Variants in HCRTR2 observed in about 807,000 individuals in gnomAD.
HCRTR2 encodes the protein hypocretin receptor 2.
Under a neutral mutation model 49.0 loss-of-function variants are expected in HCRTR2, and 22 were observed. That is an observed-to-expected ratio of 0.45 (90% CI 0.32 to 0.64). The LOEUF is 0.64. Ranked by LOEUF, HCRTR2 falls within the 30% of genes least tolerant of loss-of-function variation. The probability of loss-of-function intolerance (pLI) is 0.04; values close to 1 mark genes in which losing one functional copy is unlikely to be tolerated. For missense variants in HCRTR2, 491 were observed against 559.4 expected (o/e 0.88, Z 1.23); for synonymous variants, 236 against 205.3 (o/e 1.15, Z -1.28).
chr6:55,156,101 A>C (rs1318609890), intron 1 of HCRTR2, among the ~76,000 whole-genome samples: 1 of 151,800 alleles, frequency 6.6e-6, no homozygotes, highest in Non-Finnish European at 1.5e-5. Flanking sequence ...CTTTCTATAT[A>C]GTATTAATAA....
At chr6:55,219,427 CAAT>C (rs1395785272) in intron 1 of HCRTR2, among the ~76,000 whole-genome samples, 2 of 151,986 alleles carry the variant, frequency 1.3e-5, no homozygotes, top group Non-Finnish European at 1.5e-5. Flanking sequence ...GTACATTAAA[CAAT>C]AAATTCTTGA....
intron 1 of HCRTR2, among the ~76,000 whole-genome samples, chr6:55,191,921 C>G (rs370928514): frequency 4.6e-5 from 7 of 152,008 alleles, no homozygotes; most frequent in South Asian, 2.1e-4. Context: ...ATTCTACCTT[C>G]AAAGAATAGG....
Position 55,277,392 on chromosome 6 carries a change from T to C in HCRTR2, c.775T>C (p.Ser259Pro), listed in dbSNP as rs764055361. The C allele has an allele frequency of 1.2e-6, 2 of 1,613,420 alleles. No individual in the cohort carries two copies. Among genetic ancestry groups the C allele is most frequent in the Non-Finnish European group, 1.7e-6 (2 of 1,179,382 alleles). The change falls in exon 5 of 7, where the codon TCA (serine) becomes CCA (proline). Residue 259 changes from serine (S) to proline (P), a missense_variant. Physicochemically the swap from Ser to Pro is moderately conservative, Grantham distance 74 (BLOSUM62 -1). Transcript: ENST00000370862. ...KLWCRQIPGT[S>P]SVVQRKWKPL... The stretch of plus-strand genomic sequence containing the variant: ...CTTCTCCTTTCAGATCCCTGGAACA[T>C]CATCTGTAGTTCAGAGAAAATGGAA...
At chr6:55,225,943 A>G (rs897016037) in intron 1 of HCRTR2, among the ~76,000 whole-genome samples, 1 of 152,184 alleles carries the variant, frequency 6.6e-6, no homozygotes, top group Non-Finnish European at 1.5e-5. Flanking sequence ...AAATCTTTTC[A>G]TTTGGTCCTC....
chr6:55,144,610 T>G (rs9475168), intron 1 of HCRTR2, among the ~76,000 whole-genome samples: 36,629 of 152,082 alleles, frequency 0.24, 4,804 homozygotes, highest in African/African-American at 0.32. Context: ...TCAGGTTAGA[T>G]TCTCCTAAGT....
intron 1 of HCRTR2, among the ~76,000 whole-genome samples, chr6:55,107,714 A>G (rs934465631): frequency 6.6e-6 from 1 of 152,156 alleles, no homozygotes; most frequent in African/African-American, 2.4e-5. Context: ...CATAAATTTC[A>G]AACAATAAGA....
intron 4 of HCRTR2, among the ~76,000 whole-genome samples, chr6:55,268,428 C>A (rs1217904861): frequency 2.0e-5 from 3 of 151,690 alleles, no homozygotes; most frequent in African/African-American, 7.3e-5. Context: ...TAAAAACCAA[C>A]CAATAATTTA....
chr6:55,233,947 TA>T (rs1278649128), intron 1 of HCRTR2, among the ~76,000 whole-genome samples: 2 of 152,206 alleles, frequency 1.3e-5, no homozygotes, highest in African/African-American at 4.8e-5. Context: ...CTGGATTTTT[TA>T]TCTTTGTAGT....
At chr6:55,175,879 T>C (rs531719973) in intron 1 of HCRTR2, among the ~76,000 whole-genome samples, 1 of 152,226 alleles carries the variant, frequency 6.6e-6, no homozygotes, top group African/African-American at 2.4e-5. Context: ...GCTGGGAGAC[T>C]TTTCACATGC....
At chr6:55,258,726 T>C (rs1009888151) in intron 3 of HCRTR2, among the ~76,000 whole-genome samples, 1 of 152,190 alleles carries the variant, frequency 6.6e-6, no homozygotes, top group Non-Finnish European at 1.5e-5. Context: ...GCTTGGTTTG[T>C]AAATGCATAG....
intron 3 of HCRTR2, among the ~76,000 whole-genome samples, chr6:55,257,375 T>C (rs1258623960): frequency 6.6e-6 from 1 of 152,126 alleles, no homozygotes; most frequent in Non-Finnish European, 1.5e-5. Flanking sequence ...AGCTTCCAAC[T>C]TGTAAGTTGG....
chr6:55,116,351 C>T (rs939613062), intron 1 of HCRTR2, among the ~76,000 whole-genome samples: 4 of 151,312 alleles, frequency 2.6e-5, no homozygotes, highest in South Asian at 2.1e-4. Context: ...GAAAATACTT[C>T]GATGTATTTA....
intron 1 of HCRTR2, among the ~76,000 whole-genome samples, chr6:55,226,482 T>C (rs558970988): frequency 6.6e-6 from 1 of 152,088 alleles, no homozygotes; most frequent in East Asian, 2.0e-4. Context: ...CTAATTTTTG[T>C]ATTTTTAGTA....
intron 1 of HCRTR2, among the ~76,000 whole-genome samples, chr6:55,247,696 A>G (rs910205104): frequency 2.6e-5 from 4 of 152,116 alleles, no homozygotes; most frequent in Admixed American, 1.3e-4. Flanking sequence ...AGAATGGAGG[A>G]ACTGGGTGTT....
intron 5 of HCRTR2, among the ~76,000 whole-genome samples, chr6:55,279,763 A>G (rs1368368612): frequency 6.6e-6 from 1 of 152,108 alleles, no homozygotes. Flanking sequence ...TACATGAAAA[A>G]TTAACACTCA....
intron 1 of HCRTR2, among the ~76,000 whole-genome samples, chr6:55,200,238 TG>T (rs1765488579): frequency 5.1e-4 from 10 of 19,560 alleles, no homozygotes; most frequent in Non-Finnish European, 7.7e-4. Flanking sequence ...TGCTGTCTTG[TG>T]TGTGTGTGTG....
chr6:55,258,448 A>G (rs956823474), intron 3 of HCRTR2, among the ~76,000 whole-genome samples: 1 of 152,132 alleles, frequency 6.6e-6, no homozygotes, highest in African/African-American at 2.4e-5. Flanking sequence ...AACTCTGTCT[A>G]ACTAAAAAAT....
At chr6:55,110,927 A>G (rs896613211) in intron 1 of HCRTR2, among the ~76,000 whole-genome samples, 4 of 152,096 alleles carry the variant, frequency 2.6e-5, no homozygotes, top group African/African-American at 9.6e-5. Context: ...TATACATTCT[A>G]TTCAACTGCA....
chr6:55,165,744 AATATATATATATATATATATAT>A (rs56655240), intron 1 of HCRTR2, among the ~76,000 whole-genome samples: 19,728 of 128,408 alleles, frequency 0.15, 1,922 homozygotes, highest in Non-Finnish European at 0.2. Context: ...TAGTATACAG[AATATATATATATATATATATAT>A]ATATATATAT....
Sources: gnomAD v4.1 joint callset for allele counts (sites outside exome capture counted in the v4.1 genomes callset) on GRCh38, gnomAD v4.1.1 for gene constraint, MANE v1.5 for transcripts, NCBI Gene and HGNC (gene_info 2026-07-23, HGNC 2026-07-21) for gene names.